The following ANO2 variants were observed in gnomAD, a reference collection of about 807,000 sequenced individuals.
The protein encoded by ANO2 is anoctamin-2.
Under a neutral mutation model 124.2 loss-of-function variants are expected in ANO2, and 101 were observed. That is an observed-to-expected ratio of 0.81 (90% confidence interval 0.69 to 0.96). The LOEUF (loss-of-function observed/expected upper bound fraction) is 0.96. ANO2 is among the 40% of genes least tolerant of loss of function. The pLI is 0.00. For synonymous variants in ANO2, 486 were observed against 482.5 expected (o/e 1.01, Z -0.09); for missense variants, 1,293 against 1,274.5 (o/e 1.01, Z -0.22).
intron 3 of ANO2, among the ~76,000 whole-genome samples, chr12:5,899,119 C>T (rs73047639): frequency 6.6e-6 from 1 of 152,024 alleles, no homozygotes; most frequent in Non-Finnish European, 1.5e-5. Flanking sequence ...AACACCTTGG[C>T]CATGCATAGT....
rs191995837 is a variant in ANO2, at chr12:5,850,341, A to G, written c.633+3702T>C. On this transcript the variant is annotated intron_variant, in intron 4 of 24. Transcript: ENST00000682330. ...TGAGGCAAGAGAATTGCTTCAGCCC[A>G]GGAGGCAGAGGTTGCAGTGAGCCGA... Among the ~76,000 whole-genome samples the G allele has an allele frequency of 4.9e-3, 738 of 150,466 alleles. 12 individuals are homozygous for G. The highest frequency in any genetic ancestry group is 0.017 in the African/African-American group (688 of 40,872).
intron 6 of ANO2, among the ~76,000 whole-genome samples, chr12:5,830,067 A>C (rs1311337752): frequency 6.6e-6 from 1 of 152,210 alleles, no homozygotes; most frequent in Non-Finnish European, 1.5e-5. Context: ...TCTGACGCTA[A>C]CGATCTATAT....
chr12:5,630,054 C>A (rs916722825), intron 16 of ANO2, among the ~76,000 whole-genome samples: 2 of 152,216 alleles, frequency 1.3e-5, no homozygotes, highest in Non-Finnish European at 2.9e-5. Flanking sequence ...CAAGAATGGA[C>A]CTCAGATAGG....
intron 20 of ANO2, 86 bp downstream of exon 20, chr12:5,599,398 C>A: frequency 1.4e-6 from 2 of 1,454,508 alleles, no homozygotes; most frequent in Non-Finnish European, 1.8e-6. Context: ...CAGTCATTTT[C>A]CCCAATCCCC....
chr12:5,945,795 G>C (rs956384587), upstream of ANO2, among the ~76,000 whole-genome samples: 58 of 152,354 alleles, frequency 3.8e-4, no homozygotes, highest in African/African-American at 1.4e-3. Flanking sequence ...GAACAAAAGG[G>C]AGAAGAGGCA....
chr12:5,715,075 G>C (rs1949967271), intron 14 of ANO2, among the ~76,000 whole-genome samples: 1 of 151,928 alleles, frequency 6.6e-6, no homozygotes, highest in African/African-American at 2.4e-5. Context: ...ATTTTCCATA[G>C]GTCAACACTG....
At chr12:5,927,750 G>T (rs1942151511) in intron 1 of ANO2, among the ~76,000 whole-genome samples, 1 of 152,262 alleles carries the variant, frequency 6.6e-6, no homozygotes, top group Admixed American at 6.5e-5. Context: ...ATGGGGCAGA[G>T]GTCATAGCCT....
intron 19 of ANO2, among the ~76,000 whole-genome samples, chr12:5,603,910 AGTCC>A (rs1308924820): frequency 7.8e-6 from 1 of 128,250 alleles, no homozygotes; most frequent in East Asian, 2.5e-4. Context: ...GCGCCACTGC[AGTCC>A]GTCCTGGGTG....
At chr12:5,681,134 G>C (rs969418181) in intron 14 of ANO2, among the ~76,000 whole-genome samples, 1 of 152,186 alleles carries the variant, frequency 6.6e-6, no homozygotes, top group Non-Finnish European at 1.5e-5. Flanking sequence ...TGCTCCATGT[G>C]GGGAGGTGAT....
At chr12:5,744,696 T>C (rs771618940) in intron 11 of ANO2, among the ~76,000 whole-genome samples, 1 of 152,188 alleles carries the variant, frequency 6.6e-6, no homozygotes, top group African/African-American at 2.4e-5. Context: ...AAGCTGGATT[T>C]CATCATCCAT....
chr12:5,623,324 C>T (rs183672335), intron 16 of ANO2, among the ~76,000 whole-genome samples: 2 of 152,188 alleles, frequency 1.3e-5, no homozygotes, highest in Admixed American at 1.3e-4. Context: ...CGGGAAGCAC[C>T]CCAGGTTGAT....
At chr12:5,810,227 G>C (rs1224498659) in intron 7 of ANO2, among the ~76,000 whole-genome samples, 1 of 152,124 alleles carries the variant, frequency 6.6e-6, no homozygotes, top group Non-Finnish European at 1.5e-5. Flanking sequence ...GAGGAATGGG[G>C]CAGGAGAGGC....
chr12:5,629,406 T>C (rs754068033), intron 16 of ANO2, among the ~76,000 whole-genome samples: 2 of 152,196 alleles, frequency 1.3e-5, no homozygotes, highest in African/African-American at 2.4e-5. Context: ...TAAGATCCTA[T>C]AGTTTTCCTG....
chr12:5,667,614 G>A (rs1385539216), intron 14 of ANO2, among the ~76,000 whole-genome samples: 1 of 152,078 alleles, frequency 6.6e-6, no homozygotes, highest in Non-Finnish European at 1.5e-5. Context: ...GTAAACGTGT[G>A]CCATGGTATT....
At chr12:5,738,386 T>G (rs977451466) in intron 13 of ANO2, among the ~76,000 whole-genome samples, 1 of 152,216 alleles carries the variant, frequency 6.6e-6, no homozygotes, top group African/African-American at 2.4e-5. Context: ...GCCACCTTAC[T>G]GCTGTGGCCA....
At chr12:5,718,032 G>A (rs367769703) in intron 14 of ANO2, among the ~76,000 whole-genome samples, 1 of 152,210 alleles carries the variant, frequency 6.6e-6, no homozygotes, top group Non-Finnish European at 1.5e-5. Context: ...AGTCCGGGAT[G>A]GGGGAGCTGA....
chr12:5,568,484 AC>A (rs764669374), intron 23 of ANO2, among the ~76,000 whole-genome samples: 2 of 151,952 alleles, frequency 1.3e-5, no homozygotes, highest in Non-Finnish European at 2.9e-5. Context: ...AGTTTGAAAA[AC>A]CTTGATTCTC....
chr12:5,942,991 A>C (rs577209619), intron 1 of ANO2, among the ~76,000 whole-genome samples: 1 of 152,326 alleles, frequency 6.6e-6, no homozygotes, highest in Non-Finnish European at 1.5e-5. Flanking sequence ...TGTGATGAAA[A>C]GGGAACACTT....
chr12:5,707,203 ACT>A (rs35664003), intron 14 of ANO2, among the ~76,000 whole-genome samples: 65,164 of 150,836 alleles, frequency 0.43, 14,062 homozygotes, highest in Admixed American at 0.48. Context: ...TCTCCCCTGC[ACT>A]CTCTCTCTCT....
Sources: allele counts gnomAD v4.1 joint callset (sites outside exome capture counted in the v4.1 genomes callset), GRCh38; gene constraint gnomAD v4.1.1; transcripts MANE v1.5; gene names NCBI Gene and HGNC (gene_info 2026-07-23, HGNC 2026-07-21).